The following WRN variants were observed in gnomAD, a reference collection of about 807,000 sequenced individuals.
WRN encodes the protein bifunctional 3'-5' exonuclease/ATP-dependent helicase WRN.
WRN carries 149 observed loss-of-function variants against 180.7 expected under a neutral mutation model. The ratio of observed to expected loss-of-function variants is 0.82; its 90% CI spans 0.72 to 0.94. The LOEUF (loss-of-function observed/expected upper bound fraction) is 0.94, where lower values mean the gene tolerates loss of function less well. WRN is among the 40% of genes least tolerant of loss of function. The probability of loss-of-function intolerance (pLI) is 0.00; values close to 1 mark genes in which losing one functional copy is unlikely to be tolerated. For missense variants in WRN, 1,661 were observed against 1,700.1 expected (o/e 0.98, Z 0.40); for synonymous variants, 548 against 568.9 (o/e 0.96, Z 0.52).
chr8:31,055,929 A>G (rs1391469676), intron 1 of WRN, among the ~76,000 whole-genome samples: 2 of 152,242 alleles, frequency 1.3e-5, no homozygotes, highest in African/African-American at 2.4e-5. Context: ...ATTCCACAAC[A>G]TTAATGTTCT....
intron 32 of WRN, among the ~76,000 whole-genome samples, chr8:31,155,622 C>CAAAA (rs748568497): frequency 0.013 from 1,280 of 98,258 alleles, 20 homozygotes; most frequent in Non-Finnish European, 0.021. Context: ...ACTCGGTCTC[C>CAAAA]AAAAAAAAAA....
chr8:31,095,372 A>T (rs1224283907), intron 16 of WRN, among the ~76,000 whole-genome samples: 1 of 152,138 alleles, frequency 6.6e-6, no homozygotes, highest in Non-Finnish European at 1.5e-5. Context: ...GGCTTTTCAT[A>T]CTTTCCACAC....
At chr8:31,159,651 G>A (rs1286719499) in intron 33 of WRN, among the ~76,000 whole-genome samples, 1 of 149,132 alleles carries the variant, frequency 6.7e-6, no homozygotes, top group Non-Finnish European at 1.5e-5. Context: ...ATTAAAAAAA[G>A]GTGTTGCGCC....
chr8:31,169,484 G>A (rs963284156), intron 34 of WRN, among the ~76,000 whole-genome samples: 1 of 151,784 alleles, frequency 6.6e-6, no homozygotes, highest in Non-Finnish European at 1.5e-5. Flanking sequence ...ATGTCCTTTT[G>A]TATTTTAGAT....
intron 19 of WRN, among the ~76,000 whole-genome samples, 160 bp from the exon 20 acceptor site, chr8:31,116,194 A>G (rs909006911): frequency 4.6e-5 from 7 of 152,198 alleles, no homozygotes; most frequent in Non-Finnish European, 1.0e-4. Context: ...AATGTTTTAA[A>G]TTTTCATGCA....
intron 1 of WRN, among the ~76,000 whole-genome samples, chr8:31,045,379 T>C (rs180958378): frequency 6.6e-6 from 1 of 152,176 alleles, no homozygotes; most frequent in East Asian, 1.9e-4. Flanking sequence ...TCTGTTTTTG[T>C]ATTTTTACAC....
intron 33 of WRN, among the ~76,000 whole-genome samples, chr8:31,157,884 T>C (rs1803452181): frequency 6.6e-6 from 1 of 152,052 alleles, no homozygotes; most frequent in South Asian, 2.1e-4. Flanking sequence ...TGTGCCACCA[T>C]GCCCAGCTAT....
At chr8:31,047,538 T>C (rs541014539) in intron 1 of WRN, among the ~76,000 whole-genome samples, 1 of 152,134 alleles carries the variant, frequency 6.6e-6, no homozygotes, top group Non-Finnish European at 1.5e-5. Flanking sequence ...GCATTGGACA[T>C]TGGCTTTGTG....
intron 1 of WRN, among the ~76,000 whole-genome samples, chr8:31,041,758 G>T (rs1245141886): frequency 1.3e-5 from 2 of 152,320 alleles, no homozygotes; most frequent in Non-Finnish European, 2.9e-5. Flanking sequence ...TTGTAGGATT[G>T]CCAGGAAGTA....
intron 20 of WRN, among the ~76,000 whole-genome samples, chr8:31,119,026 T>A (rs1801620138): frequency 6.6e-6 from 1 of 151,994 alleles, no homozygotes; most frequent in Non-Finnish European, 1.5e-5. Flanking sequence ...TTGTGTTGCT[T>A]ATTGACTCTT....
chr8:31,151,356 A>C (rs1803116978), intron 31 of WRN, among the ~76,000 whole-genome samples: 1 of 152,200 alleles, frequency 6.6e-6, no homozygotes, highest in East Asian at 1.9e-4. Flanking sequence ...GCACAGTTGG[A>C]TCCTACTTTA....
rs55952524 is a variant in WRN at position 31,125,971 on chromosome 8, AATATATATATAT to A, written c.2825+988_2825+999del. On this transcript the variant is annotated intron_variant, in intron 23 of 34. Coordinates refer to ENST00000298139, the MANE Select transcript of WRN (RefSeq NM_000553.6). ...TCACAACCAAGAAGACATCATCCTA[AATATATATATAT>A]ATATATATATATATATCTACTTAAC... Among the ~76,000 whole-genome samples the A allele has an allele frequency of 5.0e-3, 721 of 145,646 alleles. 12 individuals are homozygous for A. Among genetic ancestry groups the A allele is most frequent in the African/African-American group, 0.017 (649 of 38,692 alleles).
At chr8:31,118,626 G>A (rs1321493686) in intron 20 of WRN, among the ~76,000 whole-genome samples, 2 of 151,998 alleles carry the variant, frequency 1.3e-5, no homozygotes, top group Non-Finnish European at 2.9e-5. Context: ...GGCTCTAAAA[G>A]TGGAGGTGAC....
chr8:31,039,551 A>G (rs1461327496), intron 1 of WRN, among the ~76,000 whole-genome samples: 1 of 151,966 alleles, frequency 6.6e-6, no homozygotes, highest in East Asian at 1.9e-4. Context: ...TTTCTTTTCC[A>G]TGTCTAATTT....
chr8:31,060,943 A>G (rs1563327650), intron 3 of WRN, among the ~76,000 whole-genome samples: 5 of 152,180 alleles, frequency 3.3e-5, no homozygotes, highest in Admixed American at 2.6e-4. Context: ...GCCCTTGTGT[A>G]ATGTGGTTGG....
At chr8:31,086,081 T>C (rs912790464) in intron 11 of WRN, among the ~76,000 whole-genome samples, 8 of 152,150 alleles carry the variant, frequency 5.3e-5, no homozygotes, top group African/African-American at 1.9e-4. Context: ...TTGTCAGGTG[T>C]TACTAACCAA....
At chr8:31,154,094 A>AT (rs1274917465) in intron 31 of WRN, among the ~76,000 whole-genome samples, 1 of 151,274 alleles carries the variant, frequency 6.6e-6, no homozygotes, top group Non-Finnish European at 1.5e-5. Context: ...AGTTTTTCCC[A>AT]TTTTTTCTTT....
chr8:31,054,794 A>G (rs777394074), intron 1 of WRN, among the ~76,000 whole-genome samples: 4 of 152,244 alleles, frequency 2.6e-5, no homozygotes, highest in Non-Finnish European at 5.9e-5. Context: ...CAGGTTTGCT[A>G]CATAGGTAAA....
chr8:31,122,496 T>A (rs1384308082), intron 21 of WRN, among the ~76,000 whole-genome samples: 1 of 152,010 alleles, frequency 6.6e-6, no homozygotes, highest in Non-Finnish European at 1.5e-5. Flanking sequence ...ACAGGCAAAG[T>A]CCCAATGTCT....
Sources: allele counts gnomAD v4.1 joint callset (sites outside exome capture counted in the v4.1 genomes callset), GRCh38; gene constraint gnomAD v4.1.1; transcripts MANE v1.5; gene names NCBI Gene and HGNC (gene_info 2026-07-23, HGNC 2026-07-21).